PAFAH2: variants seen among roughly 807,000 people sequenced by gnomAD.
PAFAH2 encodes platelet-activating factor acetylhydrolase 2, cytoplasmic.
PAFAH2 carries 42 observed loss-of-function variants against 49.0 expected under a neutral mutation model. That is an observed-to-expected ratio of 0.86 (90% CI 0.67 to 1.11). The LOEUF (loss-of-function observed/expected upper bound fraction) is 1.11, where lower values mean the gene tolerates loss of function less well. PAFAH2 is among the 50% of genes least tolerant of loss of function. The probability of loss-of-function intolerance (pLI) is 0.00; values close to 1 mark genes in which losing one functional copy is unlikely to be tolerated. For missense variants in PAFAH2, 503 were observed against 501.8 expected (o/e 1.00, Z -0.02); for synonymous variants, 184 against 181.3 (o/e 1.01, Z -0.12).
At chr1:25,996,994 T>C (rs1290136524) in intron 1 of PAFAH2, among the ~76,000 whole-genome samples, 1 of 152,216 alleles carries the variant, frequency 6.6e-6, no homozygotes, top group African/African-American at 2.4e-5. Flanking sequence ...CAGTGTCTAC[T>C]GAACAGGCCC....
chr1:25,962,689 G>A (rs940406569), intron 10 of PAFAH2, among the ~76,000 whole-genome samples: 1 of 152,102 alleles, frequency 6.6e-6, no homozygotes, highest in Non-Finnish European at 1.5e-5. Context: ...GCTAGGTATG[G>A]TGGTGTGTGC....
intron 1 of PAFAH2, among the ~76,000 whole-genome samples, chr1:25,993,524 A>C (rs544806448): frequency 2.8e-4 from 42 of 152,342 alleles, no homozygotes; most frequent in East Asian, 1.9e-4. Flanking sequence ...TGGTCTCAAC[A>C]ATCCTAACAT....
intron 8 of PAFAH2, among the ~76,000 whole-genome samples, chr1:25,976,201 C>T (rs956806991): frequency 1.3e-5 from 2 of 152,066 alleles, no homozygotes; most frequent in Non-Finnish European, 1.5e-5. Context: ...TGAAGTGGTG[C>T]GGTCAGAGCT....
intron 8 of PAFAH2, among the ~76,000 whole-genome samples, 175 bp downstream of exon 8, chr1:25,976,506 CT>C (rs2049591203): frequency 6.6e-6 from 1 of 152,156 alleles, no homozygotes. Flanking sequence ...TTTCACTAGT[CT>C]GTCTCCTCCC....
intron 10 of PAFAH2, among the ~76,000 whole-genome samples, chr1:25,971,570 G>A (rs942177811): frequency 4.6e-5 from 7 of 152,150 alleles, no homozygotes; most frequent in Non-Finnish European, 7.3e-5. Context: ...GTCGTGAGAG[G>A]AAGACACAGA....
intron 10 of PAFAH2, among the ~76,000 whole-genome samples, chr1:25,965,622 T>G (rs1277146859): frequency 6.6e-6 from 1 of 151,798 alleles, no homozygotes; most frequent in Non-Finnish European, 1.5e-5. Flanking sequence ...TTGAGACCAG[T>G]CTGGCTAACA....
At chr1:25,963,736 T>C (rs975948756) in intron 10 of PAFAH2, among the ~76,000 whole-genome samples, 5 of 152,132 alleles carry the variant, frequency 3.3e-5, no homozygotes, top group African/African-American at 9.7e-5. Flanking sequence ...CTCTTGACCT[T>C]GTGATCCGCC....
chr1:25,979,419 T>C (rs1020185287), intron 7 of PAFAH2, among the ~76,000 whole-genome samples: 6 of 151,028 alleles, frequency 4.0e-5, no homozygotes, highest in African/African-American at 1.5e-4. Flanking sequence ...AGGCTCAAGG[T>C]CAAGCAATTC....
chr1:25,991,720 C>T (rs1194262742), intron 1 of PAFAH2, among the ~76,000 whole-genome samples: 3 of 151,668 alleles, frequency 2.0e-5, no homozygotes, highest in African/African-American at 7.3e-5. Context: ...TGGCGAAACC[C>T]CGTCTCTACT....
chr1:25,971,122 G>C (rs2049503348), intron 10 of PAFAH2, among the ~76,000 whole-genome samples: 2 of 152,178 alleles, frequency 1.3e-5, no homozygotes, highest in Admixed American at 1.3e-4. Flanking sequence ...TGGGCAAGTA[G>C]AGGAGGGTTA....
In PAFAH2 at chr1:25,972,685, G is replaced by T. The variant is rs758108244; in HGVS notation, c.957C>A (p.Asp319Glu). Residue 319 changes from aspartate to glutamate, a missense_variant, in exon 10 of 11, where the codon GAC becomes GAA. Coordinates refer to ENST00000374282, the MANE Select transcript of PAFAH2 (RefSeq NM_000437.4). ...TCAAGTTGCCAGTCACAAAAGCAAA[G>T]TCAGTTTGACTCCGATGAACAGAAC... ...VLGSVHRSQT[D>E]FAFVTGNLIG... 6.2e-7 allele frequency: 1 copy of T among 1,613,836 alleles called. No homozygotes were observed. Among genetic ancestry groups the T allele is most frequent in the Non-Finnish European group, 8.5e-7 (1 of 1,179,874 alleles).
At chr1:25,990,643 A>G (rs1485775974) in intron 2 of PAFAH2, 84 bp downstream of exon 2, 1 of 1,117,454 alleles carries the variant, frequency 8.9e-7, no homozygotes, top group African/African-American at 1.5e-5. Flanking sequence ...CCACCGTGGG[A>G]ATACAGGATC....
At chr1:25,962,982 A>G (rs1184346354) in intron 10 of PAFAH2, among the ~76,000 whole-genome samples, 2 of 152,134 alleles carry the variant, frequency 1.3e-5, no homozygotes, top group Non-Finnish European at 2.9e-5. Context: ...TGGAGCAGCG[A>G]AACTCCAGGA....
chr1:25,984,104 A>T lies in PAFAH2; in HGVS notation c.411-17T>A, dbSNP rs780899712. 1.9e-6 allele frequency: 3 copies of T among 1,613,464 alleles called. No homozygotes were observed. The South Asian group carries it at 3.3e-5, about 18-fold the overall frequency. On this transcript the variant is annotated splice_polypyrimidine_tract_variant and intron_variant, in intron 5 of 10. Transcript: ENST00000374282. Reference sequence around the variant, plus strand: ...GACCGGTCCCTGAAATACACACATCATCAGAGAGAAACCAGAAAACATTCT... The same window carrying T: ...GACCGGTCCCTGAAATACACACATCTTCAGAGAGAAACCAGAAAACATTCT...
At chr1:25,965,961 T>C (rs1034788009) in intron 10 of PAFAH2, among the ~76,000 whole-genome samples, 1 of 141,344 alleles carries the variant, frequency 7.1e-6, no homozygotes, top group South Asian at 2.2e-4. Context: ...ACAAAGGACA[T>C]GAATAGACAT....
intron 1 of PAFAH2, chr1:25,997,511 T>C (rs2049952674): frequency 6.6e-6 from 1 of 152,232 alleles, no homozygotes; most frequent in African/African-American, 2.4e-5. Flanking sequence ...CCCAGAGTTG[T>C]ATGATTTGCC....
Position 25,959,997 on chromosome 1 carries a change from A to C in PAFAH2, c.*1992T>G, listed in dbSNP as rs191654615. ...CATGGGTTATACATCCTCTCACTTA[A>C]TCCTCCTAACTATTCATAACGCAGA... On this transcript the variant is annotated 3_prime_UTR_variant, in exon 11 of 11. Transcript: ENST00000374282. 1.3e-5 allele frequency: 2 copies of C among 152,294 alleles called. No individual in the cohort carries two copies. The highest frequency in any genetic ancestry group is 3.9e-4 in the East Asian group (2 of 5,184). The allele number at this position is 152,294 out of a possible 1,614,324, so 9.4% of individuals were successfully genotyped here.
At position 25,974,513 on chromosome 1, in the gene PAFAH2, G is replaced by A; in HGVS notation, c.896C>T (p.Ala299Val). The A allele has an allele frequency of 6.2e-7, 1 of 1,613,910 alleles. No individual in the cohort carries two copies. Among genetic ancestry groups the A allele is most frequent in the Non-Finnish European group, 8.5e-7 (1 of 1,179,924 alleles). The change falls in exon 9 of 11, where the codon GCC becomes GTC. Residue 299 changes from alanine to valine, a missense_variant. Transcript: ENST00000374282. ...TATGATCCTAGACTGTTCATGCTGG[G>A]CACATATCTTCTTCATCAAATTGAC... ...ESVNLMKKIC[A>V]QHEQSRIITV... is the part of the protein sequence containing the mutation.
chr1:25,997,245 T>A (rs1445364491), intron 1 of PAFAH2, among the ~76,000 whole-genome samples: 1 of 152,178 alleles, frequency 6.6e-6, no homozygotes, highest in African/African-American at 2.4e-5. Flanking sequence ...GGAAATATCA[T>A]CCAGCTCGTA....
Sources: allele counts gnomAD v4.1 joint callset (sites outside exome capture counted in the v4.1 genomes callset), GRCh38; gene constraint gnomAD v4.1.1; transcripts MANE v1.5; gene names NCBI Gene and HGNC (gene_info 2026-07-23, HGNC 2026-07-21).